Variants in PITPNC1 observed in about 807,000 individuals in gnomAD.
PITPNC1 encodes the protein phosphatidylinositol transfer protein cytoplasmic 1.
A neutral mutation model predicts 44.7 loss-of-function variants in PITPNC1; 18 were observed. The observed-to-expected ratio is 0.40, with a 90% CI of 0.28 to 0.60. PITPNC1 has a LOEUF of 0.60. PITPNC1 is among the 20% of genes least tolerant of loss of function. The pLI is 0.39. For synonymous variants in PITPNC1, 141 were observed against 149.6 expected (o/e 0.94, Z 0.42); for missense variants, 290 against 418.4 (o/e 0.69, Z 2.68).
chr17:67,597,107 T>A lies in PITPNC1; in HGVS notation c.366+18850T>A, dbSNP rs373489159. ...TGAAGTCTTCCTATATTACCCAGGC[T>A]GATCTTGAACCCCTGGGCTCAAGTG... is the stretch of plus-strand genomic sequence containing the variant. On this transcript the variant is annotated intron_variant, in intron 5 of 8. Transcript: ENST00000581322. This position sits in a 1 kb window ranked among gnomAD's most constrained non-coding sequence, Gnocchi z 4.0. Among the ~76,000 whole-genome samples the A allele has an allele frequency of 2.0e-5, 3 of 151,980 alleles. No homozygotes were observed. Among genetic ancestry groups the A allele is most frequent in the South Asian group, 2.1e-4 (1 of 4,820 alleles).
chr17:67,606,369 T>C (rs2041608036), intron 5 of PITPNC1, among the ~76,000 whole-genome samples: 1 of 152,144 alleles, frequency 6.6e-6, no homozygotes, highest in African/African-American at 2.4e-5. Flanking sequence ...CAAGGGACCC[T>C]TTTTTTACCC....
chr17:67,614,011 A>G (rs1349707923), intron 5 of PITPNC1, among the ~76,000 whole-genome samples: 2 of 147,916 alleles, frequency 1.4e-5, no homozygotes, highest in Admixed American at 6.8e-5. Flanking sequence ...ACCTGAGCCT[A>G]GGGAGGTTGA....
chr17:67,481,604 G>A (rs1355561583), intron 1 of PITPNC1, among the ~76,000 whole-genome samples: 1 of 152,062 alleles, frequency 6.6e-6, no homozygotes, highest in African/African-American at 2.4e-5. Flanking sequence ...CTCCCAAAGT[G>A]GGATTACAGG....
At chr17:67,528,467 C>T (rs1450328518) in intron 1 of PITPNC1, among the ~76,000 whole-genome samples, 3 of 152,206 alleles carry the variant, frequency 2.0e-5, no homozygotes, top group Non-Finnish European at 2.9e-5. Flanking sequence ...AATTCTCAGG[C>T]TTTGGAGGCT....
At chr17:67,666,851 C>T (rs920039433) in intron 6 of PITPNC1, among the ~76,000 whole-genome samples, 1 of 152,234 alleles carries the variant, frequency 6.6e-6, no homozygotes, top group Non-Finnish European at 1.5e-5. Flanking sequence ...TGAAAGCCCT[C>T]TTTAGAGGCC....
rs1335606722 is a variant in PITPNC1, at chr17:67,694,508, T to C, written c.*1620T>C. The C allele has an allele frequency of 1.3e-5, 2 of 152,202 alleles. No individual in the cohort carries two copies. The highest frequency in any genetic ancestry group is 2.9e-5 in the Non-Finnish European group (2 of 68,058). The allele number at this position is 152,202 out of a possible 1,614,324, so 9.4% of individuals were successfully genotyped here. On this transcript the variant is annotated 3_prime_UTR_variant, in exon 9 of 9. Coordinates refer to ENST00000581322, the MANE Select transcript of PITPNC1 (RefSeq NM_012417.4). ...CTCTGTGTAGTGTCTTTCAGGTTGA[T>C]ACACTCTCCCAAGGTGCAGGCGCTG... is the stretch of plus-strand genomic sequence containing the variant.
chr17:67,441,669 C>T (rs2039014823), intron 1 of PITPNC1, among the ~76,000 whole-genome samples: 1 of 152,126 alleles, frequency 6.6e-6, no homozygotes, highest in Non-Finnish European at 1.5e-5. Context: ...CTCCCTGTTC[C>T]TAAGAATGTG....
intron 4 of PITPNC1, among the ~76,000 whole-genome samples, chr17:67,560,635 C>T (rs1053051500): frequency 6.6e-6 from 1 of 152,206 alleles, no homozygotes; most frequent in Non-Finnish European, 1.5e-5. Context: ...GAGCTCGCCT[C>T]TACATCTCAG....
intron 1 of PITPNC1, among the ~76,000 whole-genome samples, chr17:67,500,637 A>G (rs984195022): frequency 6.7e-6 from 1 of 148,504 alleles, no homozygotes; most frequent in African/African-American, 2.5e-5. Flanking sequence ...TATGGTTTGA[A>G]TTATATCTCA....
Position 67,578,105 on chromosome 17 carries a change from A to C in PITPNC1, c.295-81A>C, listed in dbSNP as rs767285342. 3.2e-6 allele frequency: 3 copies of C among 932,110 alleles called. No homozygotes were observed. The South Asian group carries it at 4.0e-5, about 13-fold the overall frequency. The allele number at this position is 932,110 out of a possible 1,614,324, so 57.7% of individuals were successfully genotyped here. A position where few individuals can be genotyped will look rare whatever the true frequency, so the allele number is the denominator to read the frequency against. On this transcript the variant is annotated intron_variant, in intron 4 of 8. Coordinates refer to ENST00000581322, the MANE Select transcript of PITPNC1 (RefSeq NM_012417.4). ...GGACGGTGCTTGCAACCAAATGGCC[A>C]GGAAAGTATTCAGAAGCTCTGCTGA...
intron 4 of PITPNC1, among the ~76,000 whole-genome samples, chr17:67,573,757 C>G (rs1326453636): frequency 6.6e-6 from 1 of 151,924 alleles, no homozygotes; most frequent in Non-Finnish European, 1.5e-5. Flanking sequence ...AGATGGGGGT[C>G]TCACCATTGG....
At chr17:67,429,029 C>T (rs1033132762) in intron 1 of PITPNC1, among the ~76,000 whole-genome samples, 13 of 151,528 alleles carry the variant, frequency 8.6e-5, no homozygotes, top group African/African-American at 3.1e-4. Flanking sequence ...TTAGTAGAGA[C>T]GGGGTTTCTC....
chr17:67,648,629 G>T (rs1598931249), intron 6 of PITPNC1, among the ~76,000 whole-genome samples: 2 of 152,188 alleles, frequency 1.3e-5, no homozygotes, highest in Non-Finnish European at 1.5e-5. Flanking sequence ...CAAAGCTGGG[G>T]ACAAAGAGGA....
chr17:67,634,216 A>C (rs1204675149), intron 6 of PITPNC1, among the ~76,000 whole-genome samples: 1 of 152,148 alleles, frequency 6.6e-6, no homozygotes, highest in Non-Finnish European at 1.5e-5. Context: ...GATGAGTGGT[A>C]AAGAGTCCAG....
At chr17:67,688,711 G>A (rs1599002811) in intron 8 of PITPNC1, among the ~76,000 whole-genome samples, 1 of 152,048 alleles carries the variant, frequency 6.6e-6, no homozygotes, top group African/African-American at 2.4e-5. Context: ...TTTTCTTTTA[G>A]AAATGTTGGG....
intron 1 of PITPNC1, among the ~76,000 whole-genome samples, chr17:67,484,161 G>A (rs755292174): frequency 2.0e-5 from 3 of 152,066 alleles, no homozygotes; most frequent in Admixed American, 6.5e-5. Flanking sequence ...CAGATGATCC[G>A]CCTGCCTTGG....
chr17:67,513,082 G>A (rs979588661), intron 1 of PITPNC1, among the ~76,000 whole-genome samples: 24 of 152,010 alleles, frequency 1.6e-4, no homozygotes, highest in Admixed American at 5.2e-4. Flanking sequence ...TATATAGTAA[G>A]GCTGGGCACA....
At chr17:67,582,588 A>C (rs997615590) in intron 5 of PITPNC1, among the ~76,000 whole-genome samples, 10 of 152,134 alleles carry the variant, frequency 6.6e-5, no homozygotes, top group East Asian at 3.9e-4. Context: ...ATCTAGTAAA[A>C]AAAAAAAAAA....
intron 1 of PITPNC1, among the ~76,000 whole-genome samples, chr17:67,442,851 T>C (rs939810302): frequency 2.6e-5 from 4 of 151,860 alleles, no homozygotes; most frequent in African/African-American, 7.3e-5. Flanking sequence ...CAAGACTCTG[T>C]CCCAGAAAAA....
Sources: allele counts gnomAD v4.1 joint callset (sites outside exome capture counted in the v4.1 genomes callset), GRCh38; gene constraint gnomAD v4.1.1; non-coding constraint Gnocchi (gnomAD v3.1); transcripts MANE v1.5; gene names NCBI Gene and HGNC (gene_info 2026-07-23, HGNC 2026-07-21).